Variants in SSBP4 observed in about 807,000 individuals in gnomAD.
SSBP4 encodes the protein single stranded DNA binding protein 4.
In SSBP4, 33 loss-of-function variants were observed where a neutral mutation model predicts 64.6. The ratio of observed to expected loss-of-function variants is 0.51; its 90% CI spans 0.39 to 0.68. The LOEUF is 0.68. Among genes scored for constraint, SSBP4 ranks in the 30% least tolerant of loss-of-function variants. SSBP4 has a pLI of 0.00. For missense variants in SSBP4, 583 were observed against 566.8 expected (o/e 1.03, Z -0.29); for synonymous variants, 243 against 224.0 (o/e 1.08, Z -0.76).
upstream of SSBP4, among the ~76,000 whole-genome samples, chr19:18,417,918 C>T (rs1972189548): frequency 6.6e-6 from 1 of 152,046 alleles, no homozygotes. The surrounding 1 kb of genome is among the most constrained non-coding windows in gnomAD (Gnocchi z 5.4). Flanking sequence ...CGGCCTCTAT[C>T]GGGGAGGCAT....
chr19:18,419,609 C>G lies in SSBP4; in HGVS notation c.-40C>G, dbSNP rs1972285934. 5 of 1,252,264 alleles carry G rather than the reference C, an allele frequency of 4.0e-6. No individual in the cohort carries two copies. The Admixed American group carries it at 2.1e-4, about 52-fold the overall frequency. The allele number at this position is 1,252,264 out of a possible 1,614,324, so 77.6% of individuals were successfully genotyped here. Reference sequence around the variant, plus strand: ...CGGCAAGCGCGGCCCGCGGCGCCGCCTGACAGGTGTGGGCCCCGGCGGCGG... The same window carrying G: ...CGGCAAGCGCGGCCCGCGGCGCCGCGTGACAGGTGTGGGCCCCGGCGGCGG... On this transcript the variant is annotated 5_prime_UTR_variant, in exon 1 of 18. Transcript: ENST00000270061.
In SSBP4 at chr19:18,426,492, G is replaced by A. The variant is rs114714031; in HGVS notation, c.60-859G>A. The stretch of plus-strand genomic sequence containing the variant: ...AGAAGGGCTGGTGCCACAGGACTGG[G>A]CGACCCTTTGGATAGGGGGTTTGTC... On this transcript the variant is annotated intron_variant, in intron 1 of 17. Coordinates refer to ENST00000270061, the MANE Select transcript of SSBP4 (RefSeq NM_032627.5). The surrounding 1 kb of genome is among the most constrained non-coding windows in gnomAD (Gnocchi z 4.5). Among the ~76,000 whole-genome samples the A allele has an allele frequency of 8.7e-3, 1,318 of 152,302 alleles. 24 individuals carry two copies. The highest frequency in any genetic ancestry group is 0.03 in the African/African-American group (1,244 of 41,550).
At position 18,433,223 on chromosome 19, in the gene SSBP4, C is replaced by T. The variant is rs759015694; in HGVS notation, c.991+10C>T. 11 of 1,553,088 alleles carry T rather than the reference C, an allele frequency of 7.1e-6. No homozygotes were observed. The highest frequency in any genetic ancestry group is 2.4e-5 in the East Asian group (1 of 41,202). On this transcript the variant is annotated intron_variant, in intron 15 of 17. Transcript: ENST00000270061. ...GTGAACGGATCCCTGGGTGAGTGGG[C>T]GTCCCTGCTCCCGCCCACGTTGCCT...
chr19:18,415,054 A>G (rs1473172052), upstream of SSBP4, among the ~76,000 whole-genome samples: 2 of 149,380 alleles, frequency 1.3e-5, no homozygotes, highest in South Asian at 4.3e-4. Flanking sequence ...TCAAAGGCCC[A>G]GCTCCTCCCA....
intron 17 of SSBP4, 69 bp from the exon 18 acceptor site, chr19:18,434,147 TG>T: frequency 6.3e-7 from 1 of 1,578,442 alleles, no homozygotes; most frequent in Non-Finnish European, 8.6e-7. Context: ...CCATTGTCCC[TG>T]GGGGCGGGTC....
chr19:18,410,238 C>T, the SSBP4 span, among the ~76,000 whole-genome samples: 3 of 152,030 alleles, frequency 2.0e-5, no homozygotes, highest in South Asian at 2.1e-4. Context: ...CCTCATGATC[C>T]GCCCGCCTCG....
chr19:18,433,733 C>T lies in SSBP4; in HGVS notation c.1044C>T (p.Gly348=). Residue 348 remains glycine (G), a synonymous_variant, in exon 17 of 18, where the codon GGC becomes GGT. Coordinates refer to ENST00000270061, the MANE Select transcript of SSBP4 (RefSeq NM_032627.5). ...LPKSSPGAVA[G]LSNAPGTPRD... ...AGAGTTCCCCCGGCGCCGTGGCCGG[C>T]CTGAGCAACGCCCCGGGCACCCCGC... 7.0e-7 allele frequency: 1 copy of T among 1,435,498 alleles called. No individual in the cohort carries two copies. The highest frequency in any genetic ancestry group is 9.0e-7 in the Non-Finnish European group (1 of 1,105,182). 88.9% of individuals were successfully genotyped at this position (1,435,498 alleles called of 1,614,324 possible). A position where few individuals can be genotyped will look rare whatever the true frequency, so the allele number is the denominator to read the frequency against.
rs758306358 is a variant in SSBP4 at position 18,427,453 on chromosome 19, C to T, written c.132+30C>T. 3 of 1,604,458 alleles carry T rather than the reference C, an allele frequency of 1.9e-6. No individual in the cohort carries two copies. The highest frequency in any genetic ancestry group is 8.5e-7 in the Non-Finnish European group (1 of 1,178,578). The stretch of plus-strand genomic sequence containing the variant: ...GCCACCACCTCCAGGCTGGCCCTCC[C>T]TCCTCACCCACACTCCGGGGGTCCT... On this transcript the variant is annotated intron_variant, in intron 2 of 17. Coordinates refer to ENST00000270061, the MANE Select transcript of SSBP4 (RefSeq NM_032627.5). The surrounding 1 kb of genome is among the most constrained non-coding windows in gnomAD (Gnocchi z 4.4).
chr19:18,414,111 G>A (rs562815197), upstream of SSBP4, among the ~76,000 whole-genome samples: 7 of 152,214 alleles, frequency 4.6e-5, no homozygotes, highest in Non-Finnish European at 1.0e-4. Flanking sequence ...GTGCAGCCAC[G>A]TGGTTAGGCC....
At chr19:18,420,360 C>T (rs1352785602) in intron 1 of SSBP4, among the ~76,000 whole-genome samples, 7 of 152,000 alleles carry the variant, frequency 4.6e-5, no homozygotes, top group Admixed American at 2.0e-4. Flanking sequence ...TTGTTCTGGG[C>T]GTGGCTCCAG....
chr19:18,421,516 AGGCAGGCTCCGGTCGGGAT>A (rs1382133055), intron 1 of SSBP4, among the ~76,000 whole-genome samples: 29 of 152,190 alleles, frequency 1.9e-4, no homozygotes, highest in Admixed American at 1.9e-3. Flanking sequence ...GCAGTCGGGA[AGGCAGGCTCCGGTCGGGAT>A]GGCAGGGTCG....
At chr19:18,414,092 C>T (rs181438054), upstream of SSBP4, among the ~76,000 whole-genome samples, 2 of 152,326 alleles carry the variant, frequency 1.3e-5, no homozygotes, top group Admixed American at 6.5e-5. Flanking sequence ...CAGAAGCTGG[C>T]GGTGGGGAGT....
rs1036263590 is a variant in SSBP4, at chr19:18,434,381, C to T, written c.*135C>T. On this transcript the variant is annotated 3_prime_UTR_variant, in exon 18 of 18. Coordinates refer to ENST00000270061, the MANE Select transcript of SSBP4 (RefSeq NM_032627.5). ...AGGCTTGCCCAGCTGGGAGGCCCCACACGAAAGACTCTTACCATTTTATTA... is the reference window on the plus strand; with the variant it reads ...AGGCTTGCCCAGCTGGGAGGCCCCATACGAAAGACTCTTACCATTTTATTA... 2 of 1,428,742 alleles carry T rather than the reference C, an allele frequency of 1.4e-6. No homozygotes were observed. Among genetic ancestry groups the T allele is most frequent in the African/African-American group, 1.5e-5 (1 of 68,614 alleles). The allele number at this position is 1,428,742 out of a possible 1,614,324, so 88.5% of individuals were successfully genotyped here.
rs1972953701 is a variant in SSBP4, at chr19:18,427,637, CCT to C, written c.133-114_133-113del. ...ACACATCCTGGGGCCCTCTGCCCAC[CCT>C]GTTACCCTTCCCTCCCCACTCCCTC... is the stretch of plus-strand genomic sequence containing the variant. On this transcript the variant is annotated intron_variant, in intron 2 of 17. Transcript: ENST00000270061. This position sits in a 1 kb window ranked among gnomAD's most constrained non-coding sequence, Gnocchi z 4.4. 4.5e-6 allele frequency: 6 copies of C among 1,320,110 alleles called. No individual in the cohort carries two copies. Among genetic ancestry groups the C allele is most frequent in the Middle Eastern group, 2.3e-4 (1 of 4,408 alleles). 81.8% of individuals were successfully genotyped at this position (1,320,110 alleles called of 1,614,324 possible). A position where few individuals can be genotyped will look rare whatever the true frequency, so the allele number is the denominator to read the frequency against.
rs754137517 is a variant in SSBP4 at position 18,427,756 on chromosome 19, G to C, written c.137G>C (p.Arg46Pro). ...KSAQTFLSEI[R>P]WEKNITLGEP... ...ACCACCTTCCTTTCCCTGCAGATCC[G>C]ATGGGAGAAGAACATCACGCTGGGG... Residue 46 changes from arginine to proline, a missense_variant, in exon 3 of 18, where the codon CGA (arginine) becomes CCA (proline). Coordinates refer to ENST00000270061, the MANE Select transcript of SSBP4 (RefSeq NM_032627.5). The surrounding 1 kb of genome is among the most constrained non-coding windows in gnomAD (Gnocchi z 4.4). 6.3e-7 allele frequency: 1 copy of C among 1,593,086 alleles called. No homozygotes were observed. The highest frequency in any genetic ancestry group is 8.6e-7 in the Non-Finnish European group (1 of 1,164,880).
upstream of SSBP4, among the ~76,000 whole-genome samples, chr19:18,416,512 C>A (rs1393545120): frequency 2.6e-5 from 4 of 152,252 alleles, no homozygotes; most frequent in East Asian, 5.8e-4. Context: ...TGACGTAGAT[C>A]CCATCCTCTC....
In SSBP4 at chr19:18,431,779, C is replaced by T; in HGVS notation, c.496-14C>T. 2 of 1,544,768 alleles carry T rather than the reference C, an allele frequency of 1.3e-6. No individual in the cohort carries two copies. Among genetic ancestry groups the T allele is most frequent in the Admixed American group, 3.9e-5 (2 of 51,506 alleles). The stretch of plus-strand genomic sequence containing the variant: ...GAGCACCCCACACTCAGTGCCGCCG[C>T]ACCCCCTCCGCAGCCTCCCGCAGGC... On this transcript the variant is annotated splice_polypyrimidine_tract_variant and intron_variant, in intron 7 of 17. Transcript: ENST00000270061.
At chr19:18,431,490 A>G (rs1368700455) in intron 6 of SSBP4, 72 bp downstream of exon 6, 1 of 1,163,722 alleles carries the variant, frequency 8.6e-7, no homozygotes, top group Non-Finnish European at 1.2e-6. Flanking sequence ...CCCACCCTCA[A>G]GCCATGAGGT....
chr19:18,430,815 C>T (rs1328357806), intron 4 of SSBP4, 26 bp from the exon 5 acceptor site: 5 of 1,596,104 alleles, frequency 3.1e-6, no homozygotes, highest in South Asian at 1.1e-5. Flanking sequence ...CTGACCTGGC[C>T]CTCTGGGTTT....
Sources: allele counts gnomAD v4.1 joint callset (sites outside exome capture counted in the v4.1 genomes callset), GRCh38; gene constraint gnomAD v4.1.1; non-coding constraint Gnocchi (gnomAD v3.1); transcripts MANE v1.5; gene names NCBI Gene and HGNC (gene_info 2026-07-23, HGNC 2026-07-21).